Variants in FGD1 observed in about 807,000 individuals in gnomAD.
The protein encoded by FGD1 is FYVE, RhoGEF and PH domain-containing protein 1.
FGD1 carries 12 observed loss-of-function variants against 65.0 expected under a neutral mutation model. That is an observed-to-expected ratio of 0.18 (90% CI 0.12 to 0.30). The LOEUF (loss-of-function observed/expected upper bound fraction) is 0.30. Among genes scored for constraint, FGD1 ranks in the 10% least tolerant of loss-of-function variants. The pLI, the probability that FGD1 is intolerant of heterozygous loss-of-function variation, is 1.00. For synonymous variants in FGD1, 333 were observed against 343.9 expected (o/e 0.97, Z 0.35); for missense variants, 542 against 837.6 (o/e 0.65, Z 4.36).
At chrX:54,471,968 A>G (rs1221229412) in intron 1 of FGD1, among the ~76,000 whole-genome samples, 1 of 111,986 alleles carries the variant, frequency 8.9e-6, no homozygotes. Flanking sequence ...TTCATGAGCA[A>G]GTTTTGCTTC....
chrX:54,488,269 CAAAAAAAAAAAAAAA>C (rs57920117), intron 1 of FGD1, among the ~76,000 whole-genome samples: 5 of 5,464 alleles, frequency 9.2e-4, no homozygotes, highest in African/African-American at 2.0e-3. Flanking sequence ...GACTCAGTCT[CAAAAAAAAAAAAAAA>C]AAAAAAAAAA....
chrX:54,495,042 G>T, intron 1 of FGD1, 84 bp downstream of exon 1: 2 of 1,026,998 alleles, frequency 1.9e-6, no homozygotes, highest in Non-Finnish European at 2.7e-6. Context: ...CCGAGGTGGG[G>T]CTTAGAGGGC....
chrX:54,447,168 G>C, intron 17 of FGD1, 143 bp downstream of exon 17: 2 of 640,302 alleles, frequency 3.1e-6, no homozygotes, highest in Admixed American at 2.8e-5. Flanking sequence ...TGTCTCTCAA[G>C]GGTTGGGGTT....
chrX:54,454,951 C>T (rs921066127), intron 12 of FGD1, among the ~76,000 whole-genome samples: 8 of 112,322 alleles, frequency 7.1e-5, no homozygotes, highest in African/African-American at 2.6e-4. Context: ...GCAATAATTT[C>T]TCAATATCTA....
intron 1 of FGD1, among the ~76,000 whole-genome samples, chrX:54,480,263 G>A (rs959705703): frequency 1.8e-5 from 2 of 112,467 alleles, no homozygotes; most frequent in Non-Finnish European, 3.8e-5. Context: ...TCTTCAAAGT[G>A]GAGGGACATG....
At chrX:54,484,363 G>C (rs747312982) in intron 1 of FGD1, among the ~76,000 whole-genome samples, 1 of 110,848 alleles carries the variant, frequency 9.0e-6, no homozygotes, top group African/African-American at 3.3e-5. Flanking sequence ...CGAGGACAGG[G>C]ATAGTGACTG....
At position 54,445,989 on chromosome X, in the gene FGD1, G is replaced by A. The variant is rs1010527527; in HGVS notation, c.*120C>T. The A allele has an allele frequency of 3.1e-5, 16 of 521,305 alleles. No individual in the cohort carries two copies. Among genetic ancestry groups the A allele is most frequent in the Non-Finnish European group, 5.0e-5 (16 of 318,786 alleles). The allele number at this position is 521,305 out of a possible 1,213,427, so 43.0% of individuals were successfully genotyped here. ...AACCCAAGACCCAGCATTCGGGATT[G>A]AAAGTGCCCGTGATGGGAGTTCAAG... On this transcript the variant is annotated 3_prime_UTR_variant, in exon 18 of 18. Transcript: ENST00000375135.
chrX:54,468,732 C>A (rs1922816178), intron 5 of FGD1, 55 bp downstream of exon 5: 2 of 894,387 alleles, frequency 2.2e-6, no homozygotes, highest in Admixed American at 2.4e-5. Flanking sequence ...TCACTGCCTC[C>A]TTGAAACGCA....
chrX:54,462,721 C>T (rs1282925902), intron 8 of FGD1, among the ~76,000 whole-genome samples: 2 of 107,349 alleles, frequency 1.9e-5, no homozygotes, highest in Non-Finnish European at 3.9e-5. Context: ...CTTTTAGGAC[C>T]CCACACTTTC....
At chrX:54,485,112 C>T (rs1270272894) in intron 1 of FGD1, among the ~76,000 whole-genome samples, 1 of 112,502 alleles carries the variant, frequency 8.9e-6, no homozygotes, top group Non-Finnish European at 1.9e-5. Context: ...GTCCTTTTCC[C>T]AGCTACCCAG....
At chrX:54,446,472 C>A in intron 17 of FGD1, 58 bp from the exon 18 acceptor site, 1 of 1,091,959 alleles carries the variant, frequency 9.2e-7, no homozygotes, top group Non-Finnish European at 1.2e-6. Flanking sequence ...TCCCCCGCCC[C>A]AGCTTCTAAC....
chrX:54,479,633 C>T (rs5915127), intron 1 of FGD1, among the ~76,000 whole-genome samples: 8,567 of 109,654 alleles, frequency 0.078, 710 homozygotes, highest in African/African-American at 0.24. Flanking sequence ...TTTTCCTTTC[C>T]GGGCAGAGAG....
chrX:54,465,354 C>T lies in FGD1; in HGVS notation c.1636+97G>A, dbSNP rs191857217. On this transcript the variant is annotated intron_variant, in intron 8 of 17. Coordinates refer to ENST00000375135, the MANE Select transcript of FGD1 (RefSeq NM_004463.3). ...TTTCAATCATGTGGCAATGGAAGGC[C>T]GACCCTGTGAATTAAGTCTTGGGGT... 35 of 971,054 alleles carry T rather than the reference C, an allele frequency of 3.6e-5. No homozygotes were observed. In the East Asian group the frequency reaches 8.4e-4, roughly 23 times the overall value. 80.0% of individuals were successfully genotyped at this position (971,054 alleles called of 1,213,427 possible).
intron 1 of FGD1, among the ~76,000 whole-genome samples, chrX:54,491,273 A>C (rs776958359): frequency 5.2e-4 from 58 of 112,049 alleles, no homozygotes; most frequent in Non-Finnish European, 9.0e-4. Context: ...TGCACTGGGC[A>C]CTGATGATGC....
chrX:54,450,770 G>A (rs974701590), intron 12 of FGD1, among the ~76,000 whole-genome samples: 4 of 111,425 alleles, frequency 3.6e-5, no homozygotes, highest in Non-Finnish European at 5.7e-5. Context: ...TCAGTTGGCC[G>A]GGTGTGGGTG....
intron 1 of FGD1, among the ~76,000 whole-genome samples, chrX:54,485,894 T>A (rs1304418606): frequency 9.4e-5 from 9 of 95,467 alleles, no homozygotes; most frequent in Admixed American, 3.5e-4. Context: ...CCTGCCTCAG[T>A]CTCCCGAGTA....
chrX:54,495,244 G>A lies in FGD1; in HGVS notation c.189C>T (p.Pro63=). The change falls in exon 1 of 18, where the codon CCC becomes CCT. Residue 63 remains proline, a synonymous_variant. Coordinates refer to ENST00000375135, the MANE Select transcript of FGD1 (RefSeq NM_004463.3). ...GGPLDPQFVG[P]SDTSLGAAPG... ...GAGCAGCGCCCAGGCTGGTGTCCGAGGGTCCGACAAACTGGGGATCCAGTG... is the reference window on the plus strand; with the variant it reads ...GAGCAGCGCCCAGGCTGGTGTCCGAAGGTCCGACAAACTGGGGATCCAGTG... The A allele has an allele frequency of 8.4e-7, 1 of 1,193,723 alleles. No individual in the cohort carries two copies. Among genetic ancestry groups the A allele is most frequent in the Non-Finnish European group, 1.1e-6 (1 of 887,279 alleles).
intron 1 of FGD1, among the ~76,000 whole-genome samples, chrX:54,484,116 C>T (rs1219354851): frequency 1.8e-5 from 2 of 112,171 alleles, no homozygotes; most frequent in Non-Finnish European, 1.9e-5. Context: ...GCCACAATGG[C>T]CGTTTGTCTG....
intron 1 of FGD1, among the ~76,000 whole-genome samples, chrX:54,480,700 G>A (rs1350008471): frequency 3.7e-5 from 4 of 108,942 alleles, no homozygotes; most frequent in African/African-American, 1.3e-4. Context: ...CGCCCAGGCT[G>A]GAGTGCAGTG....
Sources: allele counts gnomAD v4.1 joint callset (sites outside exome capture counted in the v4.1 genomes callset), GRCh38; gene constraint gnomAD v4.1.1; transcripts MANE v1.5; gene names NCBI Gene and HGNC (gene_info 2026-07-23, HGNC 2026-07-21).